Variants in RAB11FIP2 observed in about 807,000 individuals in gnomAD.
RAB11FIP2 encodes rab11 family-interacting protein 2.
RAB11FIP2 carries 16 observed loss-of-function variants against 40.9 expected under a neutral mutation model. The ratio of observed to expected loss-of-function variants is 0.39; its 90% CI spans 0.26 to 0.59. The LOEUF (loss-of-function observed/expected upper bound fraction) is 0.59. RAB11FIP2 is among the 20% of genes least tolerant of loss of function. The pLI is 0.53. For missense variants in RAB11FIP2, 532 were observed against 606.2 expected (o/e 0.88, Z 1.28); for synonymous variants, 228 against 213.7 (o/e 1.07, Z -0.58).
At position 118,014,949 on chromosome 10, in the gene RAB11FIP2, C is replaced by T. The variant is rs996644809; in HGVS notation, c.1311+116G>A. 5.3e-5 allele frequency: 44 copies of T among 824,276 alleles called. No homozygotes were observed. The Admixed American group carries it at 6.1e-4, about 11-fold the overall frequency. The allele number at this position is 824,276 out of a possible 1,614,324, so 51.1% of individuals were successfully genotyped here. A position where few individuals can be genotyped will look rare whatever the true frequency, so the allele number is the denominator to read the frequency against. On this transcript the variant is annotated intron_variant, in intron 4 of 4. Coordinates refer to ENST00000355624, the MANE Select transcript of RAB11FIP2 (RefSeq NM_014904.3). ...CTCCTAAAATTACTACGCTAAGCTA[C>T]AATTCTTAGGTAAGTGAGGCAGAAG...
Position 118,013,063 on chromosome 10 carries a change from C to T in RAB11FIP2, c.1311+2002G>A, listed in dbSNP as rs554557670. Among the ~76,000 whole-genome samples, 23 of 152,016 alleles carry T rather than the reference C, an allele frequency of 1.5e-4. No individual in the cohort carries two copies. In the South Asian group the frequency reaches 4.8e-3, roughly 32 times the overall value. On this transcript the variant is annotated intron_variant, in intron 4 of 4. Coordinates refer to ENST00000355624, the MANE Select transcript of RAB11FIP2 (RefSeq NM_014904.3). ...TCTATTTTTGCTTTACACAGTCTAG[C>T]CTTTTAAACTAGGAAATGTACATTT...
chr10:118,014,714 A>C (rs977763023), intron 4 of RAB11FIP2, among the ~76,000 whole-genome samples: 1 of 152,158 alleles, frequency 6.6e-6, no homozygotes, highest in African/African-American at 2.4e-5. Flanking sequence ...ACAACAACAA[A>C]AAATAGTCTT....
chr10:118,011,516 A>G (rs1416923158), intron 4 of RAB11FIP2, among the ~76,000 whole-genome samples: 1 of 152,146 alleles, frequency 6.6e-6, no homozygotes, highest in Admixed American at 6.5e-5. Context: ...TTTCTACAGT[A>G]AAGAGAAGAC....
At chr10:118,030,469 GTTAA>G (rs1420993935) in intron 3 of RAB11FIP2, among the ~76,000 whole-genome samples, 1 of 152,064 alleles carries the variant, frequency 6.6e-6, no homozygotes, top group Non-Finnish European at 1.5e-5. Flanking sequence ...CATAGGTCTT[GTTAA>G]TTACCCGTCT....
At chr10:118,031,000 A>G (rs556374601) in intron 3 of RAB11FIP2, among the ~76,000 whole-genome samples, 2 of 152,102 alleles carry the variant, frequency 1.3e-5, no homozygotes, top group East Asian at 1.9e-4. Context: ...CATTGGATAC[A>G]TTCTGTAAAT....
chr10:118,017,940 G>A (rs1282743355), intron 3 of RAB11FIP2: 1 of 152,110 alleles, frequency 6.6e-6, no homozygotes, highest in Admixed American at 6.5e-5. Flanking sequence ...GCAACTCAAT[G>A]GCTGCTCAAA....
At chr10:118,039,862 G>C (rs562575012) in intron 2 of RAB11FIP2, 2 of 422,914 alleles carry the variant, frequency 4.7e-6, no homozygotes, top group East Asian at 7.7e-5. Flanking sequence ...AGAAACAGCA[G>C]TAAAACAGGC....
chr10:118,037,435 A>G (rs1846495092), intron 3 of RAB11FIP2, among the ~76,000 whole-genome samples: 1 of 152,134 alleles, frequency 6.6e-6, no homozygotes, highest in Non-Finnish European at 1.5e-5. Flanking sequence ...GAGAGGGCAC[A>G]GCCTAAAAGT....
At position 118,040,350 on chromosome 10, in the gene RAB11FIP2, C is replaced by T; in HGVS notation, c.569G>A (p.Ser190Asn). 6.2e-7 allele frequency: 1 copy of T among 1,613,800 alleles called. No homozygotes were observed. Among genetic ancestry groups the T allele is most frequent in the South Asian group, 1.1e-5 (1 of 91,074 alleles). Residue 190 changes from serine to asparagine, a missense_variant, in exon 2 of 5, where the codon AGT (serine) becomes AAT (asparagine). Transcript: ENST00000355624. ...FSDTSSAIIP[S>N]THMPDANSEF... ...ACTATTGGCATCGGGCATGTGAGTA[C>T]TTGGAATGATTGCAGAAGACGTATC...
rs763521320 is a variant in RAB11FIP2 at position 118,046,077 on chromosome 10, G to A, written c.87C>T (p.Gly29=). 6 of 1,614,042 alleles carry A rather than the reference G, an allele frequency of 3.7e-6. No individual in the cohort carries two copies. The South Asian group carries it at 6.6e-5, about 18-fold the overall frequency. The part of the protein sequence containing the change: ...VLQAKDLKPK[G]KSGTNDTYTI... ...TGTATGTGTCATTGGTACCACTTTT[G>A]CCTTTTGGCTTCAGATCTTTGGCTT... Residue 29 remains glycine, a synonymous_variant, in exon 1 of 5, where the codon GGC becomes GGT. Coordinates refer to ENST00000355624, the MANE Select transcript of RAB11FIP2 (RefSeq NM_014904.3).
At chr10:118,038,338 A>G (rs2133181069) in intron 3 of RAB11FIP2, among the ~76,000 whole-genome samples, 1 of 151,904 alleles carries the variant, frequency 6.6e-6, no homozygotes, top group East Asian at 1.9e-4. Flanking sequence ...ACCATTATAT[A>G]TATAACTGAA....
At chr10:118,028,532 A>G (rs1453715175) in intron 3 of RAB11FIP2, among the ~76,000 whole-genome samples, 1 of 152,126 alleles carries the variant, frequency 6.6e-6, no homozygotes, top group Non-Finnish European at 1.5e-5. Context: ...AGGTAACTGT[A>G]CCACCATAAA....
Position 118,009,232 on chromosome 10 carries a change from C to T in RAB11FIP2, c.1312-7G>A. On this transcript the variant is annotated splice_polypyrimidine_tract_variant and splice_region_variant and intron_variant, in intron 4 of 4. Transcript: ENST00000355624. ...CATCAAAGGGGTTGCTGTCCTAGAA[C>T]AGGATAAAGACTGTCACTTTCATAG... 2 of 1,600,220 alleles carry T rather than the reference C, an allele frequency of 1.2e-6. No homozygotes were observed. Among genetic ancestry groups the T allele is most frequent in the Non-Finnish European group, 1.7e-6 (2 of 1,168,110 alleles).
intron 4 of RAB11FIP2, among the ~76,000 whole-genome samples, chr10:118,013,937 G>A (rs1040622915): frequency 9.2e-5 from 14 of 151,906 alleles, no homozygotes; most frequent in Admixed American, 3.3e-4. Context: ...TTAAGTAACC[G>A]CCTGATAGAA....
intron 3 of RAB11FIP2, among the ~76,000 whole-genome samples, chr10:118,015,650 T>A (rs940002927): frequency 1.6e-4 from 24 of 152,352 alleles, no homozygotes; most frequent in African/African-American, 5.8e-4. Context: ...GATTTCTAAG[T>A]AGCTAGTCTT....
chr10:118,028,256 A>T (rs1472807911), intron 3 of RAB11FIP2, among the ~76,000 whole-genome samples: 1 of 151,780 alleles, frequency 6.6e-6, no homozygotes, highest in Non-Finnish European at 1.5e-5. Context: ...CTAAGCTTAA[A>T]TATATAAAAT....
rs150314856 is a variant in RAB11FIP2 at position 118,024,140 on chromosome 10, C to T, written c.1266-9030G>A. On this transcript the variant is annotated intron_variant, in intron 3 of 4. Transcript: ENST00000355624. ...TAGAAATAATTATTTCAAAGACAGT[C>T]AAACAACCCACAAATCTCAACATAA... Among the ~76,000 whole-genome samples the T allele has an allele frequency of 5.1e-4, 77 of 150,324 alleles. No individual in the cohort carries two copies. The East Asian group carries it at 7.6e-3, about 15-fold the overall frequency.
At chr10:118,045,122 T>C (rs1047765318) in intron 1 of RAB11FIP2, among the ~76,000 whole-genome samples, 2 of 152,196 alleles carry the variant, frequency 1.3e-5, no homozygotes, top group Non-Finnish European at 2.9e-5. Flanking sequence ...CTCTCCATCC[T>C]ACAGCATTTA....
chr10:118,041,623 G>T (rs1262027692), intron 1 of RAB11FIP2, among the ~76,000 whole-genome samples: 1 of 152,072 alleles, frequency 6.6e-6, no homozygotes, highest in Non-Finnish European at 1.5e-5. Context: ...CTAATCGAGT[G>T]TAACAAATTT....
Sources: allele counts gnomAD v4.1 joint callset (sites outside exome capture counted in the v4.1 genomes callset), GRCh38; gene constraint gnomAD v4.1.1; transcripts MANE v1.5; gene names NCBI Gene and HGNC (gene_info 2026-07-23, HGNC 2026-07-21).